AFF1: variants seen among roughly 807,000 people sequenced by gnomAD.
AFF1 encodes the protein ALF transcription elongation factor 1.
AFF1 carries 48 observed loss-of-function variants against 121.7 expected under a neutral mutation model. The ratio of observed to expected loss-of-function variants is 0.39; its 90% CI spans 0.31 to 0.50. The LOEUF (loss-of-function observed/expected upper bound fraction) is 0.50. AFF1 is among the 20% of genes least tolerant of loss of function. The probability of loss-of-function intolerance (pLI) is 0.76; values close to 1 mark genes in which losing one functional copy is unlikely to be tolerated. For synonymous variants in AFF1, 613 were observed against 563.0 expected, an observed-to-expected ratio of 1.09 and a Z score of -1.26; for missense variants, 1,523 against 1,511.7, an observed-to-expected ratio of 1.01 and a Z score of -0.12.
intron 2 of AFF1, among the ~76,000 whole-genome samples, chr4:86,993,273 C>T (rs1413531633): frequency 6.6e-6 from 1 of 152,196 alleles, no homozygotes; most frequent in Non-Finnish European, 1.5e-5. Flanking sequence ...GATGTAACCT[C>T]TTTTATGTGT....
chr4:87,006,272 G>A (rs1328242377), intron 2 of AFF1, among the ~76,000 whole-genome samples: 1 of 152,176 alleles, frequency 6.6e-6, no homozygotes, highest in Non-Finnish European at 1.5e-5. Flanking sequence ...ATGAGATGCT[G>A]AAGCACAACC....
intron 4 of AFF1, among the ~76,000 whole-genome samples, chr4:87,082,917 A>C (rs540813156): frequency 9.2e-5 from 14 of 152,212 alleles, no homozygotes; most frequent in Non-Finnish European, 1.6e-4. Context: ...ACAGGAAAGA[A>C]CCCCTTGCCA....
intron 8 of AFF1, among the ~76,000 whole-genome samples, chr4:87,104,024 A>G (rs1320985472): frequency 6.6e-6 from 1 of 152,238 alleles, no homozygotes; most frequent in Admixed American, 6.5e-5. Context: ...CCATTTAGCA[A>G]TAAACCTGTT....
intron 11 of AFF1, among the ~76,000 whole-genome samples, chr4:87,112,200 T>G (rs447990): frequency 0.4 from 61,360 of 152,090 alleles, 12,811 homozygotes; most frequent in Middle Eastern, 0.53. Flanking sequence ...GAAATCATGT[T>G]TGACAAGTGG....
intron 2 of AFF1, among the ~76,000 whole-genome samples, chr4:86,979,676 T>C (rs187531429): frequency 6.6e-6 from 1 of 152,316 alleles, no homozygotes; most frequent in Admixed American, 6.5e-5. Flanking sequence ...AAAAGAGAGA[T>C]GCAAATGAAA....
At chr4:87,049,298 T>C (rs546095878) in intron 4 of AFF1, among the ~76,000 whole-genome samples, 117 of 152,300 alleles carry the variant, frequency 7.7e-4, no homozygotes, top group Middle Eastern at 6.8e-3. Context: ...CCTACACTTA[T>C]GAAACAATTA....
At chr4:87,034,540 C>T (rs895174905) in intron 2 of AFF1, among the ~76,000 whole-genome samples, 3 of 152,190 alleles carry the variant, frequency 2.0e-5, no homozygotes, top group African/African-American at 7.2e-5. Context: ...TATTCTGAAT[C>T]TGTTGATTTA....
At position 87,025,008 on chromosome 4, in the gene AFF1, G is replaced by A. The variant is rs565921328; in HGVS notation, c.39-21158G>A. On this transcript the variant is annotated intron_variant, in intron 2 of 20. Coordinates refer to ENST00000395146, the MANE Select transcript of AFF1 (RefSeq NM_001166693.3). ...ATGCATCCCTTCACCTCTGCTGTGAGATACCACATTTTATGCCATCCTTGG... is the reference window on the plus strand; with the variant it reads ...ATGCATCCCTTCACCTCTGCTGTGAAATACCACATTTTATGCCATCCTTGG... Among the ~76,000 whole-genome samples the A allele has an allele frequency of 1.2e-3, 185 of 152,326 alleles. 10 individuals carry two copies. The South Asian group carries it at 0.037, about 30-fold the overall frequency.
At chr4:86,984,770 T>C (rs1433171668) in intron 2 of AFF1, among the ~76,000 whole-genome samples, 5 of 152,158 alleles carry the variant, frequency 3.3e-5, no homozygotes, top group South Asian at 2.1e-4. Context: ...ATCTTGTCTA[T>C]ATAAAAAATT....
intron 19 of AFF1, among the ~76,000 whole-genome samples, chr4:87,133,627 G>C (rs1180548138): frequency 6.6e-6 from 1 of 152,130 alleles, no homozygotes; most frequent in Non-Finnish European, 1.5e-5. Context: ...TTTAGGTACT[G>C]GGGATACAGC....
intron 2 of AFF1, among the ~76,000 whole-genome samples, chr4:87,013,871 T>C (rs1470985484): frequency 6.6e-6 from 1 of 152,026 alleles, no homozygotes; most frequent in Non-Finnish European, 1.5e-5. Context: ...AGGTTCTGGG[T>C]GGAGCTCTGC....
chr4:87,000,322 TCACGAAAAAC>T (rs1180331944), intron 2 of AFF1, among the ~76,000 whole-genome samples: 1 of 152,122 alleles, frequency 6.6e-6, no homozygotes, highest in African/African-American at 2.4e-5. Context: ...CTCAAAACTG[TCACGAAAAAC>T]AAGGAAAAAC....
At chr4:87,062,839 CTG>C (rs1219290797) in intron 4 of AFF1, among the ~76,000 whole-genome samples, 1 of 151,928 alleles carries the variant, frequency 6.6e-6, no homozygotes, top group Admixed American at 6.6e-5. Flanking sequence ...ATGGTAAAGA[CTG>C]GATGTTGTTG....
Position 87,114,402 on chromosome 4 carries a change from C to T in AFF1, c.1569C>T (p.Asp523=), listed in dbSNP as rs1300183832. 2 of 1,605,584 alleles carry T rather than the reference C, an allele frequency of 1.2e-6. No homozygotes were observed. The highest frequency in any genetic ancestry group is 1.3e-5 in the African/African-American group (1 of 74,196). ...EPPTTNKWQL[D]NWLTKVSQPA... ...CAACAACAAACAAATGGCAGCTGGA[C>T]AACTGGCTGACCAAAGTCAGCCAGC... The change falls in exon 12 of 21, where the codon GAC becomes GAT. Residue 523 remains aspartate, a synonymous_variant. Coordinates refer to ENST00000395146, the MANE Select transcript of AFF1 (RefSeq NM_001166693.3).
At chr4:86,963,791 T>A (rs2149470716) in intron 2 of AFF1, among the ~76,000 whole-genome samples, 1 of 150,858 alleles carries the variant, frequency 6.6e-6, no homozygotes, top group South Asian at 2.1e-4. Flanking sequence ...CCACCTTTTC[T>A]TTTCATTTCT....
chr4:87,068,505 A>G (rs1721620142), intron 4 of AFF1, among the ~76,000 whole-genome samples: 1 of 152,150 alleles, frequency 6.6e-6, no homozygotes, highest in East Asian at 1.9e-4. Context: ...CAAAGGTTAA[A>G]CTATTTTTGG....
intron 2 of AFF1, among the ~76,000 whole-genome samples, chr4:86,965,160 C>G (rs975672291): frequency 6.6e-6 from 1 of 152,198 alleles, no homozygotes; most frequent in Non-Finnish European, 1.5e-5. Context: ...AAGACAATTA[C>G]GCATTGTTGA....
At chr4:87,013,065 C>T (rs1361615509) in intron 2 of AFF1, among the ~76,000 whole-genome samples, 64 of 90,396 alleles carry the variant, frequency 7.1e-4, no homozygotes, top group Admixed American at 1.2e-3. Context: ...TTTTGGGAGA[C>T]GGAGTTTCGC....
At chr4:87,032,775 G>A (rs940824801) in intron 2 of AFF1, among the ~76,000 whole-genome samples, 3 of 152,150 alleles carry the variant, frequency 2.0e-5, no homozygotes, top group African/African-American at 7.2e-5. Context: ...AGTGGAGAGT[G>A]GAGGAGCCCT....
Sources: allele counts gnomAD v4.1 joint callset (sites outside exome capture counted in the v4.1 genomes callset), GRCh38; gene constraint gnomAD v4.1.1; transcripts MANE v1.5; gene names NCBI Gene and HGNC (gene_info 2026-07-23, HGNC 2026-07-21).